CNTN4: variants seen among roughly 807,000 people sequenced by gnomAD.
CNTN4 encodes the protein contactin 4.
CNTN4 carries 77 observed loss-of-function variants against 122.5 expected under a neutral mutation model. The observed-to-expected ratio is 0.63, with a 90% CI of 0.52 to 0.76. The LOEUF (loss-of-function observed/expected upper bound fraction) is 0.76, where lower values mean the gene tolerates loss of function less well. Among genes scored for constraint, CNTN4 ranks in the 30% least tolerant of loss-of-function variants. The probability of loss-of-function intolerance (pLI) is 0.00; values close to 1 mark genes in which losing one functional copy is unlikely to be tolerated. For missense variants in CNTN4, 1,256 were observed against 1,259.1 expected (o/e 1.00, Z 0.04); for synonymous variants, 512 against 447.0 (o/e 1.15, Z -1.83).
At chr3:2,950,889 C>T (rs574944830) in intron 13 of CNTN4, among the ~76,000 whole-genome samples, 6 of 152,298 alleles carry the variant, frequency 3.9e-5, no homozygotes, top group African/African-American at 1.2e-4. Flanking sequence ...CATGACAACA[C>T]GAGTTGCCTA....
In CNTN4 at chr3:2,470,350, C is replaced by T. The variant is rs190792304; in HGVS notation, c.-88-101066C>T. Reference sequence around the variant, plus strand: ...TTGGCCTCCCAAAGTGCTGGGATTACGGGTGTGAGCCACCGCGCCTGGCCA... The same window carrying T: ...TTGGCCTCCCAAAGTGCTGGGATTATGGGTGTGAGCCACCGCGCCTGGCCA... On this transcript the variant is annotated intron_variant, in intron 3 of 24. Coordinates refer to ENST00000418658, the MANE Select transcript of CNTN4 (RefSeq NM_175607.3). Among the ~76,000 whole-genome samples, 280 of 152,254 alleles carry T rather than the reference C, an allele frequency of 1.8e-3. 2 individuals carry two copies. The highest frequency in any genetic ancestry group is 6.2e-3 in the African/African-American group (256 of 41,540).
chr3:3,019,765 AATAT>A (rs67229453), intron 14 of CNTN4, among the ~76,000 whole-genome samples: 8,354 of 137,788 alleles, frequency 0.061, 391 homozygotes, highest in East Asian at 0.24. Context: ...TGTGTACACA[AATAT>A]ATATATATAT....
rs535968184 is a variant in CNTN4 at position 2,259,086 on chromosome 3, AT to A, written c.-144-80081del. On this transcript the variant is annotated intron_variant, in intron 2 of 24. Coordinates refer to ENST00000418658, the MANE Select transcript of CNTN4 (RefSeq NM_175607.3). ...TGCTCTAGTAGTTGGTTATTTAGTG[AT>A]TTTTTTTTTTGGCTCTGTAAATTTG... Among the ~76,000 whole-genome samples, 1,011 of 147,142 alleles carry A rather than the reference AT, an allele frequency of 6.9e-3. 12 individuals are homozygous for A. Among genetic ancestry groups the A allele is most frequent in the African/African-American group, 0.022 (894 of 40,458 alleles).
intron 2 of CNTN4, among the ~76,000 whole-genome samples, chr3:2,171,346 T>C (rs2036500999): frequency 6.6e-6 from 1 of 152,232 alleles, no homozygotes; most frequent in South Asian, 2.1e-4. Flanking sequence ...AAATAGGATG[T>C]AATATGTGAT....
chr3:2,685,609 T>A (rs1345910111), intron 4 of CNTN4, among the ~76,000 whole-genome samples: 1 of 152,186 alleles, frequency 6.6e-6, no homozygotes, highest in African/African-American at 2.4e-5. Flanking sequence ...TCATAGGTCA[T>A]GGTATTGATT....
intron 2 of CNTN4, among the ~76,000 whole-genome samples, chr3:2,153,930 T>C (rs995896488): frequency 2.0e-5 from 3 of 152,204 alleles, no homozygotes; most frequent in Non-Finnish European, 4.4e-5. Flanking sequence ...TGTGATCAAA[T>C]GAAAAATCAC....
intron 2 of CNTN4, among the ~76,000 whole-genome samples, chr3:2,196,634 A>T (rs1181065062): frequency 6.6e-6 from 1 of 152,172 alleles, no homozygotes; most frequent in East Asian, 1.9e-4. Context: ...GCATAAAGAA[A>T]TATAGACAAG....
intron 2 of CNTN4, among the ~76,000 whole-genome samples, chr3:2,260,315 G>A (rs1292853556): frequency 6.6e-6 from 1 of 151,982 alleles, no homozygotes; most frequent in Non-Finnish European, 1.5e-5. Context: ...CCCGAGTTGT[G>A]ATAATCAAAA....
intron 7 of CNTN4, among the ~76,000 whole-genome samples, chr3:2,859,089 C>A (rs4685571): frequency 0.11 from 17,424 of 152,228 alleles, 1,115 homozygotes; most frequent in Admixed American, 0.18. Context: ...TTCTGGTAAT[C>A]ACAATTCTAC....
At chr3:2,528,833 A>C (rs747203468) in intron 3 of CNTN4, among the ~76,000 whole-genome samples, 2 of 151,968 alleles carry the variant, frequency 1.3e-5, no homozygotes, top group African/African-American at 4.8e-5. Context: ...TTTCACTGAG[A>C]CATAATTATA....
At position 3,053,937 on chromosome 3, in the gene CNTN4, G is replaced by A; in HGVS notation, c.2942G>A (p.Gly981Asp). ...EIKPFSDGGD[G>D]SSSEQIRIPK... ...AAGCCATTCAGCGACGGAGGAGATG[G>A]CAGCAGCAGTGAACAAATTCGAATT... The change falls in exon 24 of 25, where the codon GGC becomes GAC. Residue 981 changes from glycine (G) to aspartate (D), a missense_variant. Physicochemically the swap from Gly to Asp is moderately conservative, Grantham distance 94. Transcript: ENST00000418658. The A allele has an allele frequency of 6.2e-7, 1 of 1,614,158 alleles. No individual in the cohort carries two copies.
At position 2,499,220 on chromosome 3, in the gene CNTN4, T is replaced by C. The variant is rs9875374; in HGVS notation, c.-88-72196T>C. On this transcript the variant is annotated intron_variant, in intron 3 of 24. Transcript: ENST00000418658. The stretch of plus-strand genomic sequence containing the variant: ...ATGATCTATTTTGAATTAATGCTTG[T>C]AGTGTGAGATTTAGGTTGATATTCA... Among the ~76,000 whole-genome samples, 347 of 152,336 alleles carry C rather than the reference T, an allele frequency of 2.3e-3. 1 individual carries two copies. The highest frequency in any genetic ancestry group is 7.9e-3 in the African/African-American group (330 of 41,594).
rs369405873 is a variant in CNTN4 at position 2,423,755 on chromosome 3, C to T, written c.-89+84522C>T. 2.6e-4 allele frequency among the ~76,000 whole-genome samples: 39 copies of T among 151,814 alleles called. No homozygotes were observed. The East Asian group carries it at 5.9e-3, about 23-fold the overall frequency. On this transcript the variant is annotated intron_variant, in intron 3 of 24. Transcript: ENST00000418658. ...CTGATTTTTTGCTCTCTTTTAATACCCTGTTAATTACAAAACCTCCTACTG... is the reference window on the plus strand; with the variant it reads ...CTGATTTTTTGCTCTCTTTTAATACTCTGTTAATTACAAAACCTCCTACTG...
At chr3:2,889,336 G>A (rs1019699424) in intron 10 of CNTN4, among the ~76,000 whole-genome samples, 3 of 152,106 alleles carry the variant, frequency 2.0e-5, no homozygotes, top group African/African-American at 4.8e-5. Context: ...TTTATCATTC[G>A]TCTGTCTTCA....
At chr3:2,594,782 T>TTG (rs201993528) in intron 4 of CNTN4, among the ~76,000 whole-genome samples, 1 of 140,530 alleles carries the variant, frequency 7.1e-6, no homozygotes, top group African/African-American at 2.7e-5. Flanking sequence ...GTGTGTTTGT[T>TTG]TGTGTGTGTG....
intron 2 of CNTN4, among the ~76,000 whole-genome samples, chr3:2,143,922 G>A (rs2035124721): frequency 6.6e-6 from 1 of 152,072 alleles, no homozygotes; most frequent in African/African-American, 2.4e-5. Flanking sequence ...ATAATATTTT[G>A]GTTACTTTTT....
At chr3:2,689,932 G>T (rs190489404) in intron 4 of CNTN4, among the ~76,000 whole-genome samples, 98 of 152,216 alleles carry the variant, frequency 6.4e-4, no homozygotes, top group African/African-American at 2.3e-3. Context: ...GTGTGTGTTT[G>T]TGTCTGTGTG....
At chr3:2,610,891 A>G (rs749563609) in intron 4 of CNTN4, among the ~76,000 whole-genome samples, 2 of 152,162 alleles carry the variant, frequency 1.3e-5, no homozygotes, top group Non-Finnish European at 2.9e-5. Context: ...TTTCAGGTAT[A>G]CAATGCAGGG....
chr3:2,683,117 C>G (rs150069886), intron 4 of CNTN4, among the ~76,000 whole-genome samples: 1 of 152,094 alleles, frequency 6.6e-6, no homozygotes, highest in Non-Finnish European at 1.5e-5. Context: ...ATGCCCATCT[C>G]CCAGAGTGTC....
Sources: gnomAD v4.1 joint callset for allele counts (sites outside exome capture counted in the v4.1 genomes callset) on GRCh38, gnomAD v4.1.1 for gene constraint, MANE v1.5 for transcripts, NCBI Gene and HGNC (gene_info 2026-07-23, HGNC 2026-07-21) for gene names.